The following CAST variants were observed in gnomAD, a reference collection of about 807,000 sequenced individuals.
CAST encodes MIR583 host.
In CAST, 76 loss-of-function variants were observed where a neutral mutation model predicts 119.6. The ratio of observed to expected loss-of-function variants is 0.64; its 90% CI spans 0.53 to 0.77. CAST has a LOEUF of 0.77. CAST is among the 30% of genes least tolerant of loss of function. CAST has a pLI of 0.00. For synonymous variants in CAST, 319 were observed against 331.6 expected (o/e 0.96, Z 0.41); for missense variants, 953 against 946.5 (o/e 1.01, Z -0.09).
chr5:96,092,950 T>C, the CAST span, among the ~76,000 whole-genome samples: 1 of 152,184 alleles, frequency 6.6e-6, no homozygotes, highest in East Asian at 1.9e-4. Flanking sequence ...TCCTTAATCA[T>C]TGTTCGGCGA....
At chr5:96,054,038 G>A in the CAST span, among the ~76,000 whole-genome samples, 5 of 152,032 alleles carry the variant, frequency 3.3e-5, no homozygotes, top group Non-Finnish European at 7.4e-5. Flanking sequence ...TATATTTCTT[G>A]GTGGTGTGGG....
At chr5:96,537,361 A>G (rs1745839464) in intron 1 of CAST, among the ~76,000 whole-genome samples, 1 of 152,200 alleles carries the variant, frequency 6.6e-6, no homozygotes, top group South Asian at 2.1e-4. Flanking sequence ...AGTTGAAGCA[A>G]TAGACTACCC....
At chr5:96,460,945 G>GCA in the CAST span, among the ~76,000 whole-genome samples, 4 of 13,852 alleles carry the variant, frequency 2.9e-4, no homozygotes, top group African/African-American at 3.1e-3. Context: ...TGCATTGTGT[G>GCA]ACTACCACAC....
At chr5:96,543,980 G>C (rs1745960194) in intron 1 of CAST, among the ~76,000 whole-genome samples, 1 of 152,160 alleles carries the variant, frequency 6.6e-6, no homozygotes, top group Non-Finnish European at 1.5e-5. Context: ...TTTACAGTGA[G>C]TCTTGAAGTG....
intron 1 of CAST, among the ~76,000 whole-genome samples, chr5:96,555,861 AG>A (rs1390509272): frequency 6.6e-6 from 1 of 151,546 alleles, no homozygotes; most frequent in Non-Finnish European, 1.5e-5. Flanking sequence ...CCTGTCTGAC[AG>A]CTTTGAAGAG....
rs566072005 is a variant in CAST at position 96,633,882 on chromosome 5, C to T, written c.61-41657C>T. On this transcript the variant is annotated intron_variant, in intron 1 of 11. Coordinates refer to the CAST transcript ENST00000505143. ...CTGAGAGATGGTGTTTCAGGCCTTC[C>T]CCTGTTAAAATCTATCCTCTCCTTT... 2.0e-5 allele frequency among the ~76,000 whole-genome samples: 3 copies of T among 152,280 alleles called. No homozygotes were observed. The South Asian group carries it at 6.2e-4, about 32-fold the overall frequency.
At chr5:95,979,262 T>G in the CAST span, among the ~76,000 whole-genome samples, 1 of 152,174 alleles carries the variant, frequency 6.6e-6, no homozygotes, top group Non-Finnish European at 1.5e-5. Context: ...ATTATATATA[T>G]ATAAATGCAT....
chr5:96,059,286 A>G, the CAST span, among the ~76,000 whole-genome samples: 1 of 152,146 alleles, frequency 6.6e-6, no homozygotes, highest in Admixed American at 6.6e-5. Flanking sequence ...AGGACGGATA[A>G]TCAGGAGGCT....
At chr5:96,456,111 G>A in the CAST span, among the ~76,000 whole-genome samples, 1 of 152,152 alleles carries the variant, frequency 6.6e-6, no homozygotes, top group East Asian at 1.9e-4. Context: ...GATATCTAAT[G>A]ACCGAAGGAT....
the CAST span, among the ~76,000 whole-genome samples, chr5:96,261,172 A>T: frequency 6.6e-6 from 1 of 152,206 alleles, no homozygotes; most frequent in African/African-American, 2.4e-5. Flanking sequence ...GCTGCATTTA[A>T]GCAGGCTCTA....
At chr5:96,302,395 G>T in the CAST span, among the ~76,000 whole-genome samples, 12 of 152,102 alleles carry the variant, frequency 7.9e-5, no homozygotes, top group Non-Finnish European at 1.5e-4. Context: ...GTTAACATTT[G>T]CTTCGTCTTT....
the CAST span, among the ~76,000 whole-genome samples, chr5:96,494,931 C>G: frequency 6.6e-6 from 1 of 151,992 alleles, no homozygotes; most frequent in South Asian, 2.1e-4. Flanking sequence ...TCCTGGCTAA[C>G]ACAGTGAAAC....
the CAST span, among the ~76,000 whole-genome samples, chr5:96,079,965 C>T: frequency 3.3e-5 from 5 of 152,120 alleles, no homozygotes; most frequent in Non-Finnish European, 5.9e-5. Context: ...CTTATATATA[C>T]ATATTCGTGC....
chr5:96,442,807 T>G, the CAST span, among the ~76,000 whole-genome samples: 2 of 152,168 alleles, frequency 1.3e-5, no homozygotes, highest in African/African-American at 4.8e-5. Context: ...CTGCTGTTGC[T>G]GCTGCTTCAC....
At chr5:96,070,774 A>G in the CAST span, among the ~76,000 whole-genome samples, 12 of 152,290 alleles carry the variant, frequency 7.9e-5, no homozygotes, top group East Asian at 3.9e-4. Flanking sequence ...AGAGATATAA[A>G]TTTCGTAACC....
chr5:96,120,278 G>A, the CAST span, among the ~76,000 whole-genome samples: 532 of 152,152 alleles, frequency 3.5e-3, 2 homozygotes, highest in African/African-American at 4.5e-3. Flanking sequence ...GCCAAGAAAT[G>A]GGCATGTGAC....
the CAST span, among the ~76,000 whole-genome samples, chr5:96,167,534 G>C: frequency 1.3e-5 from 2 of 152,176 alleles, no homozygotes; most frequent in Non-Finnish European, 2.9e-5. Flanking sequence ...TAAAAGTATT[G>C]TCCAGTCCTC....
At chr5:96,354,660 C>T in the CAST span, among the ~76,000 whole-genome samples, 1 of 149,270 alleles carries the variant, frequency 6.7e-6, no homozygotes, top group Admixed American at 6.7e-5. Context: ...GCTTATGTAC[C>T]TATAGACAGT....
At chr5:95,961,906 C>T in the CAST span, 1 of 723,342 alleles carries the variant, frequency 1.4e-6, no homozygotes, top group African/African-American at 1.9e-5. Context: ...CCCTCCGGCC[C>T]CGCGCCCCGC....
Sources: allele counts gnomAD v4.1 joint callset (sites outside exome capture counted in the v4.1 genomes callset), GRCh38; gene constraint gnomAD v4.1.1; transcripts MANE v1.5; gene names NCBI Gene and HGNC (gene_info 2026-07-23, HGNC 2026-07-21).